The following PPP1R9A variants were observed in gnomAD, a reference collection of about 807,000 sequenced individuals.
PPP1R9A encodes protein phosphatase 1 regulatory subunit 9A.
Under a neutral mutation model 141.9 loss-of-function variants are expected in PPP1R9A, and 59 were observed. That is an observed-to-expected ratio of 0.42 (90% CI 0.34 to 0.52). PPP1R9A has a LOEUF of 0.52. Among genes scored for constraint, PPP1R9A ranks in the 20% least tolerant of loss-of-function variants. The pLI, the probability that PPP1R9A is intolerant of heterozygous loss-of-function variation, is 0.10. For synonymous variants in PPP1R9A, 500 were observed against 569.7 expected (o/e 0.88, Z 1.74); for missense variants, 1,444 against 1,611.9 (o/e 0.90, Z 1.78).
At chr7:95,090,963 AT>A (rs1161619469) in intron 2 of PPP1R9A, among the ~76,000 whole-genome samples, 1 of 152,058 alleles carries the variant, frequency 6.6e-6, no homozygotes, top group Non-Finnish European at 1.5e-5. Flanking sequence ...GTGTCACTGA[AT>A]AACCTTATAG....
intron 5 of PPP1R9A, among the ~76,000 whole-genome samples, chr7:95,190,447 G>T (rs966508760): frequency 1.3e-5 from 2 of 152,200 alleles, no homozygotes; most frequent in African/African-American, 4.8e-5. Flanking sequence ...GAAATAGACT[G>T]TGTGAGAGTC....
At chr7:95,033,975 A>G (rs1261011115) in intron 2 of PPP1R9A, among the ~76,000 whole-genome samples, 4 of 152,092 alleles carry the variant, frequency 2.6e-5, no homozygotes, top group Admixed American at 2.0e-4. Flanking sequence ...GTTCTTCAAA[A>G]TTGCCTTGTT....
intron 2 of PPP1R9A, among the ~76,000 whole-genome samples, chr7:94,939,984 C>T (rs1795165818): frequency 6.6e-6 from 1 of 151,972 alleles, no homozygotes; most frequent in Non-Finnish European, 1.5e-5. Context: ...TCATTCACTT[C>T]TATGACCAGC....
intron 2 of PPP1R9A, among the ~76,000 whole-genome samples, chr7:95,083,420 C>A (rs1339220911): frequency 6.6e-6 from 1 of 151,898 alleles, no homozygotes; most frequent in Non-Finnish European, 1.5e-5. Context: ...TAACCTAGGT[C>A]TTATGGCCTG....
intron 7 of PPP1R9A, chr7:95,214,036 C>G (rs934113143): frequency 1.3e-5 from 2 of 152,224 alleles, no homozygotes; most frequent in African/African-American, 4.8e-5. Context: ...ATACACTCTT[C>G]AGAATCCTAG....
intron 8 of PPP1R9A, among the ~76,000 whole-genome samples, chr7:95,244,481 A>G (rs1797854029): frequency 6.6e-6 from 1 of 152,114 alleles, no homozygotes; most frequent in East Asian, 1.9e-4. Flanking sequence ...CACATCTAGC[A>G]TTTTTCATAT....
intron 2 of PPP1R9A, among the ~76,000 whole-genome samples, chr7:94,931,686 C>G (rs1244923395): frequency 6.6e-6 from 1 of 152,182 alleles, no homozygotes; most frequent in Non-Finnish European, 1.5e-5. Context: ...TTAAGTGATT[C>G]TCCTGCCTCA....
At chr7:95,183,928 G>T (rs1834253159) in intron 5 of PPP1R9A, among the ~76,000 whole-genome samples, 1 of 151,688 alleles carries the variant, frequency 6.6e-6, no homozygotes, top group African/African-American at 2.4e-5. Flanking sequence ...GAGTGCAGTG[G>T]CCAGATCCAG....
chr7:94,979,841 C>T (rs1033100343), intron 2 of PPP1R9A, among the ~76,000 whole-genome samples: 2 of 152,056 alleles, frequency 1.3e-5, no homozygotes, highest in African/African-American at 4.8e-5. Context: ...AGGCATAACT[C>T]AATTATCTGA....
chr7:95,022,233 A>G (rs9719136), intron 2 of PPP1R9A, among the ~76,000 whole-genome samples: 1 of 152,068 alleles, frequency 6.6e-6, no homozygotes, highest in African/African-American at 2.4e-5. Flanking sequence ...CTTTGTAGCA[A>G]TTGTGAATGG....
chr7:94,947,657 TCA>T (rs936833450), intron 2 of PPP1R9A, among the ~76,000 whole-genome samples: 31 of 152,224 alleles, frequency 2.0e-4, no homozygotes, highest in African/African-American at 7.2e-4. Flanking sequence ...AGTACAGGTG[TCA>T]CTTATGTTGA....
At chr7:94,929,243 C>T (rs1793860651) in intron 2 of PPP1R9A, among the ~76,000 whole-genome samples, 1 of 152,164 alleles carries the variant, frequency 6.6e-6, no homozygotes, top group Non-Finnish European at 1.5e-5. Context: ...GAATACATCT[C>T]CCAAGGAGCT....
At chr7:94,926,677 T>C (rs1482859266) in intron 2 of PPP1R9A, among the ~76,000 whole-genome samples, 1 of 152,178 alleles carries the variant, frequency 6.6e-6, no homozygotes, top group Non-Finnish European at 1.5e-5. Context: ...TTTCTTTTGT[T>C]TTTTTTCAGT....
chr7:95,188,673 A>G (rs111879880), intron 5 of PPP1R9A, among the ~76,000 whole-genome samples: 92 of 148,998 alleles, frequency 6.2e-4, no homozygotes, highest in African/African-American at 2.1e-3. Flanking sequence ...ATCTCGGCTC[A>G]CTGTAACCTC....
intron 2 of PPP1R9A, among the ~76,000 whole-genome samples, chr7:94,978,954 G>A (rs1228278739): frequency 3.3e-5 from 5 of 152,124 alleles, no homozygotes; most frequent in African/African-American, 1.2e-4. Flanking sequence ...GTGCCACCAG[G>A]CCCAGCTAAT....
In PPP1R9A at chr7:95,286,698, A is replaced by AT. The variant is rs148057827; in HGVS notation, c.3729+375dup. Among the ~76,000 whole-genome samples the AT allele has an allele frequency of 6.4e-3, 973 of 152,096 alleles. 11 individuals carry two copies. Among genetic ancestry groups the AT allele is most frequent in the African/African-American group, 0.022 (933 of 41,484 alleles). Reference sequence around the variant, plus strand: ...CTCCAAGATTCTGATACTGCCTCTGATTAGGGTGAGGTCTCTGATTGAGAA... The same window carrying AT: ...CTCCAAGATTCTGATACTGCCTCTGATTTAGGGTGAGGTCTCTGATTGAGAA... On this transcript the variant is annotated intron_variant, in intron 18 of 19. Coordinates refer to ENST00000433360, the MANE Select transcript of PPP1R9A (RefSeq NM_001166160.2).
chr7:94,973,862 C>T (rs1179464520), intron 2 of PPP1R9A, among the ~76,000 whole-genome samples: 5 of 151,726 alleles, frequency 3.3e-5, no homozygotes, highest in African/African-American at 9.7e-5. Flanking sequence ...GAATTACAGG[C>T]GCATGCTGTC....
chr7:95,143,160 A>G (rs542128264), intron 4 of PPP1R9A, among the ~76,000 whole-genome samples: 3 of 152,230 alleles, frequency 2.0e-5, no homozygotes, highest in South Asian at 2.1e-4. Context: ...TATTATTCCA[A>G]TGTACAGCTC....
chr7:95,178,529 A>G (rs538464063), intron 5 of PPP1R9A, among the ~76,000 whole-genome samples: 1 of 152,190 alleles, frequency 6.6e-6, no homozygotes, highest in African/African-American at 2.4e-5. Flanking sequence ...GGAAATAACC[A>G]AGATCAGAGC....
Sources: gnomAD v4.1 joint callset for allele counts (sites outside exome capture counted in the v4.1 genomes callset) on GRCh38, gnomAD v4.1.1 for gene constraint, MANE v1.5 for transcripts, NCBI Gene and HGNC (gene_info 2026-07-23, HGNC 2026-07-21) for gene names.